The following RETREG1 variants were observed in gnomAD, a reference collection of about 807,000 sequenced individuals.
RETREG1 encodes family with sequence similarity 134 member B.
A neutral mutation model predicts 54.8 loss-of-function variants in RETREG1; 44 were observed. The observed-to-expected ratio is 0.80, with a 90% CI of 0.63 to 1.03. RETREG1 has a LOEUF of 1.03. Among genes scored for constraint, RETREG1 ranks in the 50% least tolerant of loss-of-function variants. The pLI is 0.00. For missense variants in RETREG1, 554 were observed against 605.1 expected, an observed-to-expected ratio of 0.92 and a Z score of 0.89; for synonymous variants, 217 against 238.5, an observed-to-expected ratio of 0.91 and a Z score of 0.83.
At chr5:16,520,419 TC>T (rs1400446235) in intron 3 of RETREG1, among the ~76,000 whole-genome samples, 1 of 152,136 alleles carries the variant, frequency 6.6e-6, no homozygotes, top group African/African-American at 2.4e-5. Context: ...AACCTCCGTC[TC>T]CCGCGTTCAA....
At chr5:16,490,532 G>T (rs1371150497) in intron 3 of RETREG1, among the ~76,000 whole-genome samples, 2 of 152,124 alleles carry the variant, frequency 1.3e-5, no homozygotes, top group Admixed American at 6.5e-5. Flanking sequence ...CACTCACCAG[G>T]GGTCAGGTAG....
At chr5:16,544,520 C>T (rs1227131790) in intron 3 of RETREG1, among the ~76,000 whole-genome samples, 1 of 152,142 alleles carries the variant, frequency 6.6e-6, no homozygotes, top group Non-Finnish European at 1.5e-5. Context: ...AGACTTTCAG[C>T]TGTGTTTTCT....
intron 1 of RETREG1, among the ~76,000 whole-genome samples, chr5:16,576,290 T>C (rs1013910723): frequency 7.1e-6 from 1 of 140,320 alleles, no homozygotes; most frequent in African/African-American, 2.7e-5. Flanking sequence ...GATTTTTTCT[T>C]TTTCTTTTTT....
intron 3 of RETREG1, among the ~76,000 whole-genome samples, chr5:16,500,479 A>AG (rs1245846228): frequency 6.6e-6 from 1 of 152,142 alleles, no homozygotes; most frequent in Non-Finnish European, 1.5e-5. Flanking sequence ...AAGACCATAC[A>AG]GGAGTGCATT....
chr5:16,596,365 C>T (rs1169470772), intron 1 of RETREG1, among the ~76,000 whole-genome samples: 2 of 152,186 alleles, frequency 1.3e-5, no homozygotes, highest in African/African-American at 4.8e-5. Flanking sequence ...ACTCCAGAGG[C>T]ACATTTCTTT....
At chr5:16,596,779 G>A (rs753909196) in intron 1 of RETREG1, among the ~76,000 whole-genome samples, 4 of 152,154 alleles carry the variant, frequency 2.6e-5, no homozygotes, top group Non-Finnish European at 5.9e-5. Flanking sequence ...TGAGTGCCTG[G>A]AGACACGTGA....
At chr5:16,604,593 C>T (rs927733798) in intron 1 of RETREG1, among the ~76,000 whole-genome samples, 6 of 152,126 alleles carry the variant, frequency 3.9e-5, no homozygotes, top group Non-Finnish European at 7.3e-5. Context: ...CCTCTGTCAT[C>T]TGAGTTCATC....
intron 4 of RETREG1, 72 bp downstream of exon 4, chr5:16,483,274 T>A: frequency 6.6e-7 from 1 of 1,526,328 alleles, no homozygotes; most frequent in Non-Finnish European, 9.1e-7. Context: ...GACAAGCTGA[T>A]AAAATAGGTT....
At chr5:16,522,162 C>G (rs1740553690) in intron 3 of RETREG1, among the ~76,000 whole-genome samples, 1 of 151,974 alleles carries the variant, frequency 6.6e-6, no homozygotes, top group Non-Finnish European at 1.5e-5. Flanking sequence ...GAACCAGCTC[C>G]TGGAGAAGCA....
intron 3 of RETREG1, among the ~76,000 whole-genome samples, chr5:16,544,451 T>C (rs1741335721): frequency 1.3e-5 from 2 of 152,216 alleles, no homozygotes; most frequent in African/African-American, 4.8e-5. Flanking sequence ...AATTTTTCTT[T>C]TGTGGATCAT....
rs1579685044 is a variant in RETREG1, at chr5:16,561,377, G to A, written c.458+4386C>T. The stretch of plus-strand genomic sequence containing the variant: ...CTGGGCATGGTGGTGGGCACCTGTA[G>A]TCCCAGCTACTCGGGAGGCTGAGGC... On this transcript the variant is annotated intron_variant, in intron 3 of 8. Coordinates refer to ENST00000306320, the MANE Select transcript of RETREG1 (RefSeq NM_001034850.3). The surrounding 1 kb of genome is among the most constrained non-coding windows in gnomAD (Gnocchi z 4.2). 6.6e-6 allele frequency among the ~76,000 whole-genome samples: 1 copy of A among 151,728 alleles called. No homozygotes were observed.
At chr5:16,530,073 GA>G (rs1290412632) in intron 3 of RETREG1, among the ~76,000 whole-genome samples, 2 of 152,180 alleles carry the variant, frequency 1.3e-5, no homozygotes, top group Non-Finnish European at 2.9e-5. Flanking sequence ...TCCCTTCCCA[GA>G]TGCTTATCCC....
chr5:16,482,465 C>G (rs905794323), intron 4 of RETREG1, among the ~76,000 whole-genome samples: 53 of 151,140 alleles, frequency 3.5e-4, no homozygotes, highest in African/African-American at 1.3e-3. Flanking sequence ...AAAAAAAATG[C>G]CTTCAATGAA....
chr5:16,478,920 A>G lies in RETREG1; in HGVS notation c.738T>C (p.Ile246=). ...AATCCAGTTTCAGCAGAACTGACTT[A>G]ATTTTGCTGTAAATTTTTTGTCCAA... ...NDIGQKIYSK[I]KSVLLKLDFG... The change falls in exon 6 of 9, where the codon ATT becomes ATC. Residue 246 remains isoleucine, a synonymous_variant. Transcript: ENST00000306320. 6.2e-7 allele frequency: 1 copy of G among 1,612,176 alleles called. No homozygotes were observed. Among genetic ancestry groups the G allele is most frequent in the Non-Finnish European group, 8.5e-7 (1 of 1,178,740 alleles).
chr5:16,591,927 T>C (rs1003254195), intron 1 of RETREG1, among the ~76,000 whole-genome samples: 1 of 152,214 alleles, frequency 6.6e-6, no homozygotes, highest in Non-Finnish European at 1.5e-5. Context: ...TCTGTGTTTG[T>C]AACATTTGAC....
chr5:16,557,448 C>T (rs1180227048), intron 3 of RETREG1, among the ~76,000 whole-genome samples: 1 of 152,150 alleles, frequency 6.6e-6, no homozygotes, highest in Admixed American at 6.5e-5. Flanking sequence ...TTTCAAAGCA[C>T]AAATTTAAAA....
intron 3 of RETREG1, among the ~76,000 whole-genome samples, chr5:16,529,977 A>G (rs1226392259): frequency 2.6e-5 from 4 of 152,116 alleles, no homozygotes. Context: ...TACTCTCCAC[A>G]TCACTGAAGA....
intron 3 of RETREG1, among the ~76,000 whole-genome samples, chr5:16,493,451 C>T (rs2126537340): frequency 6.6e-6 from 1 of 152,278 alleles, no homozygotes; most frequent in African/African-American, 2.4e-5. Flanking sequence ...TTTGTGAATG[C>T]CAAGATTTGC....
intron 3 of RETREG1, among the ~76,000 whole-genome samples, chr5:16,515,875 C>T (rs1740336137): frequency 2.0e-5 from 3 of 152,064 alleles, no homozygotes; most frequent in Non-Finnish European, 1.5e-5. Flanking sequence ...CCATGGCAGA[C>T]CAAGAGCAAA....
Sources: allele counts gnomAD v4.1 joint callset (sites outside exome capture counted in the v4.1 genomes callset), GRCh38; gene constraint gnomAD v4.1.1; non-coding constraint Gnocchi (gnomAD v3.1); transcripts MANE v1.5; gene names NCBI Gene and HGNC (gene_info 2026-07-23, HGNC 2026-07-21).